Variants in KCNH7 observed in about 807,000 individuals in gnomAD.
KCNH7 encodes the protein potassium voltage-gated channel subfamily H member 7.
Under a neutral mutation model 120.8 loss-of-function variants are expected in KCNH7, and 49 were observed. That is an observed-to-expected ratio of 0.41 (90% CI 0.32 to 0.51). KCNH7 has a LOEUF of 0.51. Among genes scored for constraint, KCNH7 ranks in the 20% least tolerant of loss-of-function variants. The pLI is 0.38. For missense variants in KCNH7, 1,097 were observed against 1,446.6 expected (o/e 0.76, Z 3.92); for synonymous variants, 547 against 516.1 (o/e 1.06, Z -0.81).
At chr2:162,581,437 T>C (rs1693862002) in intron 2 of KCNH7, among the ~76,000 whole-genome samples, 2 of 152,052 alleles carry the variant, frequency 1.3e-5, no homozygotes, top group South Asian at 2.1e-4. Context: ...TGAGCAAGAA[T>C]AGAGTCATTG....
intron 2 of KCNH7, among the ~76,000 whole-genome samples, chr2:162,562,383 C>T (rs933958324): frequency 7.9e-5 from 12 of 152,050 alleles, no homozygotes; most frequent in South Asian, 2.1e-4. Flanking sequence ...GTGGGCTTGA[C>T]GGCTCCTTCT....
At chr2:162,616,916 C>T (rs1683157822) in intron 2 of KCNH7, among the ~76,000 whole-genome samples, 1 of 152,154 alleles carries the variant, frequency 6.6e-6, no homozygotes, top group Non-Finnish European at 1.5e-5. Context: ...CTTCAGTCAT[C>T]CCATTTATGC....
intron 2 of KCNH7, among the ~76,000 whole-genome samples, chr2:162,562,738 G>T (rs1379266804): frequency 6.6e-6 from 1 of 152,160 alleles, no homozygotes; most frequent in Non-Finnish European, 1.5e-5. Context: ...ATGGAATCTT[G>T]CAAACCAGCT....
chr2:162,531,090 C>A (rs1691908437), intron 3 of KCNH7, among the ~76,000 whole-genome samples: 1 of 151,912 alleles, frequency 6.6e-6, no homozygotes, highest in Non-Finnish European at 1.5e-5. Flanking sequence ...CAACGCTTCC[C>A]TGTATGAGTG....
intron 6 of KCNH7, among the ~76,000 whole-genome samples, chr2:162,454,468 A>AT (rs1381552239): frequency 7.2e-5 from 11 of 151,982 alleles, no homozygotes; most frequent in South Asian, 6.2e-4. Flanking sequence ...TTTAAAGTAG[A>AT]TTTTTTCTAT....
intron 2 of KCNH7, among the ~76,000 whole-genome samples, chr2:162,834,305 C>G (rs1381566788): frequency 1.3e-5 from 2 of 152,052 alleles, no homozygotes; most frequent in Non-Finnish European, 2.9e-5. Flanking sequence ...TGTGTCATCA[C>G]TGTTTAAAAA....
chr2:162,657,264 T>C (rs1684795232), intron 2 of KCNH7, among the ~76,000 whole-genome samples: 1 of 152,196 alleles, frequency 6.6e-6, no homozygotes, highest in South Asian at 2.1e-4. Flanking sequence ...TATAGTTTCA[T>C]AGAGAATAGT....
intron 3 of KCNH7, among the ~76,000 whole-genome samples, chr2:162,524,866 C>T (rs918145957): frequency 5.3e-5 from 8 of 151,922 alleles, no homozygotes; most frequent in Non-Finnish European, 1.2e-4. Flanking sequence ...AGGTATATGA[C>T]GTTGCCTATG....
intron 2 of KCNH7, among the ~76,000 whole-genome samples, chr2:162,725,234 C>T (rs1559101764): frequency 3.9e-5 from 6 of 152,120 alleles, no homozygotes; most frequent in African/African-American, 1.2e-4. Context: ...TGCAATTAAT[C>T]ATATTCCTAT....
At chr2:162,724,021 G>A (rs1011051619) in intron 2 of KCNH7, among the ~76,000 whole-genome samples, 4 of 152,154 alleles carry the variant, frequency 2.6e-5, no homozygotes, top group African/African-American at 9.6e-5. Flanking sequence ...TTTGGAAAAC[G>A]AGTTAGAGCA....
chr2:162,696,554 T>G (rs913154518), intron 2 of KCNH7, among the ~76,000 whole-genome samples: 14 of 152,182 alleles, frequency 9.2e-5, no homozygotes, highest in Admixed American at 7.9e-4. Flanking sequence ...TGCTGTCTAT[T>G]GAAGAAGTCT....
At chr2:162,606,138 C>T (rs774390388) in intron 2 of KCNH7, among the ~76,000 whole-genome samples, 1 of 151,900 alleles carries the variant, frequency 6.6e-6, no homozygotes, top group Non-Finnish European at 1.5e-5. Flanking sequence ...AAGATAATTC[C>T]TTTGTGTATA....
At chr2:162,418,258 C>CAATCTTT (rs1687596713) in intron 9 of KCNH7, among the ~76,000 whole-genome samples, 1 of 152,010 alleles carries the variant, frequency 6.6e-6, no homozygotes, top group Non-Finnish European at 1.5e-5. Flanking sequence ...AGGTTTTGGC[C>CAATCTTT]AATCTTTATA....
intron 2 of KCNH7, among the ~76,000 whole-genome samples, chr2:162,774,630 CA>C (rs1369200427): frequency 6.6e-6 from 1 of 152,126 alleles, no homozygotes; most frequent in Admixed American, 6.6e-5. Flanking sequence ...AAGAAGTCAT[CA>C]GTAAATATAT....
chr2:162,417,696 G>T (rs556696528), intron 9 of KCNH7, among the ~76,000 whole-genome samples: 1 of 152,198 alleles, frequency 6.6e-6, no homozygotes, highest in Admixed American at 6.5e-5. Context: ...TACCACTGAA[G>T]AACTCACTTT....
At chr2:162,553,646 C>CA (rs1400661725) in intron 2 of KCNH7, among the ~76,000 whole-genome samples, 3 of 150,176 alleles carry the variant, frequency 2.0e-5, no homozygotes, top group African/African-American at 7.4e-5. Context: ...GAGACTGTCT[C>CA]AAAAAAAGAA....
chr2:162,399,888 T>C (rs1438856746), intron 10 of KCNH7, among the ~76,000 whole-genome samples: 1 of 151,796 alleles, frequency 6.6e-6, no homozygotes, highest in Non-Finnish European at 1.5e-5. Flanking sequence ...TCTTCTAACA[T>C]AAAAAAAGAA....
chr2:162,790,019 G>C (rs867200641), intron 2 of KCNH7, among the ~76,000 whole-genome samples: 65 of 151,016 alleles, frequency 4.3e-4, no homozygotes, highest in Middle Eastern at 7.4e-3. Context: ...ATAAAGACTA[G>C]AGAACAATAG....
chr2:162,810,206 C>T lies in KCNH7; in HGVS notation c.307+26331G>A, dbSNP rs1457828952. Among the ~76,000 whole-genome samples the T allele has an allele frequency of 2.6e-5, 4 of 151,268 alleles. 1 individual carries two copies. Among genetic ancestry groups the T allele is most frequent in the African/African-American group, 4.9e-5 (2 of 41,236 alleles). On this transcript the variant is annotated intron_variant, in intron 2 of 15. Transcript: ENST00000332142. ...CTGGGATTACAGGCGTGAGCCACCG[C>T]GCCCGGCCTCACCTATTCTTAATAT... is the stretch of plus-strand genomic sequence containing the variant.
Sources: gnomAD v4.1 joint callset for allele counts (sites outside exome capture counted in the v4.1 genomes callset) on GRCh38, gnomAD v4.1.1 for gene constraint, MANE v1.5 for transcripts, NCBI Gene and HGNC (gene_info 2026-07-23, HGNC 2026-07-21) for gene names.